Variants in TNFRSF9 observed in about 807,000 individuals in gnomAD.
TNFRSF9 encodes TNF receptor superfamily member 9, also known as tumor necrosis factor receptor superfamily member 9.
TNFRSF9 carries 16 observed loss-of-function variants against 28.8 expected under a neutral mutation model. That is an observed-to-expected ratio of 0.55 (90% CI 0.38 to 0.84). TNFRSF9 has a LOEUF of 0.84. Ranked by LOEUF, TNFRSF9 falls within the 40% of genes least tolerant of loss-of-function variation. The pLI, the probability that TNFRSF9 is intolerant of heterozygous loss-of-function variation, is 0.00. For synonymous variants in TNFRSF9, 131 were observed against 117.0 expected (o/e 1.12, Z -0.77); for missense variants, 303 against 315.0 (o/e 0.96, Z 0.29).
chr1:7,940,011 G>A lies in TNFRSF9; in HGVS notation c.-17C>T, dbSNP rs1374995819. 1 of 1,548,802 alleles carries A rather than the reference G, an allele frequency of 6.5e-7. No homozygotes were observed. The highest frequency in any genetic ancestry group is 1.1e-5 in the South Asian group (1 of 87,298). ...GTTTCCCATGATGAAATCTGGCACA[G>A]GTATGATACTAGCAAAGCTGATTCC... On this transcript the variant is annotated 5_prime_UTR_variant, in exon 2 of 8. Transcript: ENST00000377507.
At chr1:7,922,036 G>T (rs1394543966) in intron 7 of TNFRSF9, 1 of 152,178 alleles carries the variant, frequency 6.6e-6, no homozygotes, top group African/African-American at 2.4e-5. Context: ...TAGGAACCAA[G>T]AACCGATCTG....
chr1:7,926,512 G>C (rs1235137626), intron 7 of TNFRSF9, among the ~76,000 whole-genome samples: 1 of 152,198 alleles, frequency 6.6e-6, no homozygotes, highest in African/African-American at 2.4e-5. Context: ...GCCCGAAACT[G>C]ATATGCAGAT....
chr1:7,934,930 A>C, intron 6 of TNFRSF9, 83 bp downstream of exon 6: 1 of 1,556,476 alleles, frequency 6.4e-7, no homozygotes, highest in South Asian at 1.2e-5. Context: ...CTGATATGAG[A>C]TATCATGATA....
At chr1:7,921,367 A>ACAAAG (rs1639556137) in intron 7 of TNFRSF9, among the ~76,000 whole-genome samples, 1 of 144,908 alleles carries the variant, frequency 6.9e-6, no homozygotes, top group Non-Finnish European at 1.5e-5. Flanking sequence ...ACAAAACAAA[A>ACAAAG]CAAAACAAAA....
In TNFRSF9 at chr1:7,938,872, A is replaced by G. The variant is rs1288476004; in HGVS notation, c.101-44T>C. On this transcript the variant is annotated intron_variant, in intron 2 of 7. Transcript: ENST00000377507. ...AGTGGTACACGTTTGACAATGGGCA[A>G]TCGTCACCCAAGGCATTCCGAAGTT... 6.5e-6 allele frequency: 9 copies of G among 1,386,400 alleles called. No homozygotes were observed. The East Asian group carries it at 9.3e-5, about 14-fold the overall frequency. The allele number at this position is 1,386,400 out of a possible 1,614,324, so 85.9% of individuals were successfully genotyped here.
At position 7,916,582 on chromosome 1, in the gene TNFRSF9, G is replaced by C. The variant is rs1639480465; in HGVS notation, c.*4253C>G. Reference sequence around the variant, plus strand: ...ACCAGTCTCTTTCTGTTTGTGGATAGTCAGCAGTAGGTAATTAAACACCAT... The same window carrying C: ...ACCAGTCTCTTTCTGTTTGTGGATACTCAGCAGTAGGTAATTAAACACCAT... On this transcript the variant is annotated 3_prime_UTR_variant, in exon 8 of 8. Coordinates refer to ENST00000377507, the MANE Select transcript of TNFRSF9 (RefSeq NM_001561.6). 6.6e-6 allele frequency: 1 copy of C among 152,124 alleles called. No homozygotes were observed. Among genetic ancestry groups the C allele is most frequent in the Admixed American group, 6.5e-5 (1 of 15,274 alleles). The allele number at this position is 152,124 out of a possible 1,614,324, so 9.4% of individuals were successfully genotyped here.
At chr1:7,930,214 C>T (rs1030536949) in intron 7 of TNFRSF9, among the ~76,000 whole-genome samples, 2 of 151,924 alleles carry the variant, frequency 1.3e-5, no homozygotes, top group Non-Finnish European at 2.9e-5. Flanking sequence ...GTGATCTGCC[C>T]GCCTCAGCCC....
In TNFRSF9 at chr1:7,924,663, C is replaced by A. The variant is rs797016408; in HGVS notation, c.680-3740G>T. ...AACAAACAAACAAACAAACAAAAAC[C>A]AGTTAATTGTAAAACAGCCTCAGGC... is the stretch of plus-strand genomic sequence containing the variant. On this transcript the variant is annotated intron_variant, in intron 7 of 7. Coordinates refer to ENST00000377507, the MANE Select transcript of TNFRSF9 (RefSeq NM_001561.6). Among the ~76,000 whole-genome samples, 48 of 151,990 alleles carry A rather than the reference C, an allele frequency of 3.2e-4. 3 individuals carry two copies. Among genetic ancestry groups the A allele is most frequent in the African/African-American group, 1.2e-3 (48 of 41,486 alleles).
chr1:7,935,430 A>G (rs994320692), intron 5 of TNFRSF9, among the ~76,000 whole-genome samples: 1 of 152,150 alleles, frequency 6.6e-6, no homozygotes, highest in Non-Finnish European at 1.5e-5. Flanking sequence ...TCCGGCACAG[A>G]TGAAGGCTAG....
intron 4 of TNFRSF9, 105 bp downstream of exon 4, chr1:7,938,088 C>G (rs1417678785): frequency 9.2e-7 from 1 of 1,087,806 alleles, no homozygotes; most frequent in Non-Finnish European, 1.3e-6. Flanking sequence ...TCCCTTGTTA[C>G]TTTAAGGTTC....
rs192267592 is a variant in TNFRSF9 at position 7,916,479 on chromosome 1, G to C, written c.*4356C>G. The C allele has an allele frequency of 6.6e-6, 1 of 152,280 alleles. No individual in the cohort carries two copies. The highest frequency in any genetic ancestry group is 1.9e-4 in the East Asian group (1 of 5,180). 9.4% of individuals were successfully genotyped at this position (152,280 alleles called of 1,614,324 possible). The stretch of plus-strand genomic sequence containing the variant: ...GCCTCCTTTCTTCACAGAATAAACT[G>C]TGGATTTTCGGTGTGTAACCTAGGA... On this transcript the variant is annotated 3_prime_UTR_variant, in exon 8 of 8. Transcript: ENST00000377507.
intron 7 of TNFRSF9, among the ~76,000 whole-genome samples, chr1:7,929,157 C>CTTTTTTTTTTT (rs1491203940): frequency 7.6e-5 from 5 of 65,438 alleles, no homozygotes; most frequent in African/African-American, 1.2e-4. Flanking sequence ...TTTTCTTTTT[C>CTTTTTTTTTTT]CTTTTTTTTT....
intron 7 of TNFRSF9, among the ~76,000 whole-genome samples, chr1:7,924,294 C>CATATATAT (rs58569630): frequency 2.5e-4 from 32 of 130,006 alleles, no homozygotes; most frequent in Middle Eastern, 3.8e-3. Context: ...TAGTATATTC[C>CATATATAT]ATATATATAT....
chr1:7,938,156 C>A, intron 4 of TNFRSF9, 37 bp downstream of exon 4: 1 of 1,504,746 alleles, frequency 6.6e-7, no homozygotes, highest in Non-Finnish European at 8.9e-7. Context: ...TTGTCTATGT[C>A]ACAAAACTAC....
At chr1:7,922,897 C>CTT (rs397863522) in intron 7 of TNFRSF9, among the ~76,000 whole-genome samples, 31 of 132,880 alleles carry the variant, frequency 2.3e-4, no homozygotes, top group Admixed American at 1.5e-4. Context: ...CTACAAACTT[C>CTT]TTTTTTTTTT....
At position 7,918,734 on chromosome 1, in the gene TNFRSF9, G is replaced by A. The variant is rs1232092688; in HGVS notation, c.*2101C>T. ...TTTATTTAAAAAAATAAACACAAAT[G>A]GTATATAAATATTTGACAAGGTGCT... On this transcript the variant is annotated 3_prime_UTR_variant, in exon 8 of 8. Coordinates refer to ENST00000377507, the MANE Select transcript of TNFRSF9 (RefSeq NM_001561.6). 1.3e-5 allele frequency: 2 copies of A among 152,046 alleles called. No homozygotes were observed. The highest frequency in any genetic ancestry group is 6.6e-5 in the Admixed American group (1 of 15,248). 9.4% of individuals were successfully genotyped at this position (152,046 alleles called of 1,614,324 possible). A position where few individuals can be genotyped will look rare whatever the true frequency, so the allele number is the denominator to read the frequency against.
intron 7 of TNFRSF9, among the ~76,000 whole-genome samples, chr1:7,929,029 C>T (rs999286117): frequency 2.0e-5 from 3 of 152,114 alleles, no homozygotes; most frequent in Non-Finnish European, 4.4e-5. Context: ...GCAGAAACCA[C>T]AACCTTGCAC....
intron 2 of TNFRSF9, among the ~76,000 whole-genome samples, 164 bp downstream of exon 2, chr1:7,939,731 G>T (rs1376585646): frequency 6.6e-6 from 1 of 152,230 alleles, no homozygotes; most frequent in Non-Finnish European, 1.5e-5. Context: ...GAATGACTTT[G>T]CTGTGTTCAC....
At chr1:7,938,980 C>T (rs2151420325) in intron 2 of TNFRSF9, 152 bp from the exon 3 acceptor site, 2 of 563,224 alleles carry the variant, frequency 3.6e-6, no homozygotes, top group East Asian at 5.8e-5. Flanking sequence ...CTTCCTAAAA[C>T]AATACATTTG....
Sources: allele counts gnomAD v4.1 joint callset (sites outside exome capture counted in the v4.1 genomes callset), GRCh38; gene constraint gnomAD v4.1.1; transcripts MANE v1.5; gene names NCBI Gene and HGNC (gene_info 2026-07-23, HGNC 2026-07-21).